Variants in PACS2 observed in about 807,000 individuals in gnomAD.
The protein encoded by PACS2 is PACS1-like protein.
PACS2 carries 36 observed loss-of-function variants against 113.0 expected under a neutral mutation model. The observed-to-expected ratio is 0.32, with a 90% confidence interval of 0.24 to 0.42. The LOEUF is 0.42. Among genes scored for constraint, PACS2 ranks in the 10% least tolerant of loss-of-function variants. PACS2 has a pLI of 1.00. For synonymous variants in PACS2, 589 were observed against 536.1 expected (o/e 1.10, Z -1.36); for missense variants, 1,015 against 1,239.5 (o/e 0.82, Z 2.72).
In PACS2 at chr14:105,396,492, CTTTTCTTTTT is replaced by C. The variant is rs2081532521; in HGVS notation, c.*1825_*1834del. On this transcript the variant is annotated 3_prime_UTR_variant, in exon 25 of 25. Coordinates refer to ENST00000447393, the MANE Select transcript of PACS2 (RefSeq NM_001100913.3). ...CATCTGTTTTTCTGCTCTCCAGTTT[CTTTTCTTTTT>C]TTTTTTTTTTTTTTTTGAGATGGAG... 1 of 139,304 alleles carries C rather than the reference CTTTTCTTTTT, an allele frequency of 7.2e-6. No individual in the cohort carries two copies. Among genetic ancestry groups the C allele is most frequent in the Non-Finnish European group, 1.5e-5 (1 of 64,694 alleles). 8.6% of individuals were successfully genotyped at this position (139,304 alleles called of 1,614,324 possible).
chr14:105,314,345 G>A (rs1244787691), upstream of PACS2: 1 of 152,046 alleles, frequency 6.6e-6, no homozygotes, highest in Admixed American at 6.5e-5. Flanking sequence ...TCCGCGCGTG[G>A]GGAGGTGGGC....
chr14:105,383,663 C>A (rs782779277), intron 16 of PACS2, 150 bp downstream of exon 16: 4 of 631,838 alleles, frequency 6.3e-6, no homozygotes, highest in Non-Finnish European at 8.0e-6. Context: ...GGCGTGGTGT[C>A]CCTGCTTGCT....
chr14:105,304,770 C>T (rs1200679502), intron 1 of PACS2, among the ~76,000 whole-genome samples: 3 of 152,246 alleles, frequency 2.0e-5, no homozygotes, highest in South Asian at 2.1e-4. Context: ...GAGCAAGTCA[C>T]GTCTTACGTG....
chr14:105,353,672 C>T (rs1366939068), intron 3 of PACS2, among the ~76,000 whole-genome samples: 4 of 152,006 alleles, frequency 2.6e-5, no homozygotes, highest in Admixed American at 6.6e-5. Flanking sequence ...TGGCTCACTG[C>T]AACCTCCACC....
chr14:105,380,533 C>G (rs1270261633), intron 11 of PACS2, among the ~76,000 whole-genome samples: 1 of 150,828 alleles, frequency 6.6e-6, no homozygotes, highest in African/African-American at 2.4e-5. Flanking sequence ...CTGGACTCAC[C>G]CCACCCTCAG....
rs1050157688 is a variant in PACS2, at chr14:105,367,955, G to C, written c.587-119G>C. The C allele has an allele frequency of 1.4e-5, 10 of 726,504 alleles. No individual in the cohort carries two copies. The Admixed American group carries it at 2.0e-4, about 15-fold the overall frequency. 45.0% of individuals were successfully genotyped at this position (726,504 alleles called of 1,614,324 possible). ...CCTGTGTCTGGAGCCCCTCTGTCCT[G>C]CATGGATCCACCTCCTCGCTGCCCC... On this transcript the variant is annotated intron_variant, in intron 5 of 24. Transcript: ENST00000447393.
intron 1 of PACS2, among the ~76,000 whole-genome samples, chr14:105,333,671 C>A (rs139270916): frequency 6.6e-6 from 1 of 152,238 alleles, no homozygotes; most frequent in Non-Finnish European, 1.5e-5. Context: ...CAGCCTTTGC[C>A]CCGTGGGCCA....
intron 11 of PACS2, 134 bp downstream of exon 11, chr14:105,380,288 G>A: frequency 1.4e-6 from 1 of 734,392 alleles, no homozygotes; most frequent in Non-Finnish European, 2.2e-6. Context: ...GGTGGGGTCA[G>A]CCCTCAGGGG....
In PACS2 at chr14:105,376,828, C is replaced by T; in HGVS notation, c.862C>T (p.Leu288Phe). 3 of 1,613,254 alleles carry T rather than the reference C, an allele frequency of 1.9e-6. No individual in the cohort carries two copies. Among genetic ancestry groups the T allele is most frequent in the Non-Finnish European group, 2.5e-6 (3 of 1,179,852 alleles). ...HIPEAEEDLD[L>F]LYDTLDMEHP... is the part of the protein sequence containing the mutation. ...CCCCGAGGCAGAGGAGGACCTGGAC[C>T]TCCTGTATGACACCCTGGACATGGA... Residue 288 changes from leucine (L) to phenylalanine (F), a missense_variant, in exon 9 of 25, where the codon CTC becomes TTC. By Grantham distance (22) the Leu-to-Phe change is conservative. This residue lies in a region of PACS2 where 859 missense variants were observed against 1,056.8 expected (regional missense o/e 0.81). Transcript: ENST00000447393. This position sits in a 1 kb window ranked among gnomAD's most constrained non-coding sequence, Gnocchi z 4.7.
intron 24 of PACS2, 115 bp downstream of exon 24, chr14:105,393,450 A>G (rs1417520943): frequency 1.6e-6 from 1 of 630,174 alleles, no homozygotes; most frequent in African/African-American, 1.8e-5. Context: ...CGCACATTCC[A>G]CGATTCAAGG....
chr14:105,368,301 C>G (rs587620647), intron 6 of PACS2, among the ~76,000 whole-genome samples, 154 bp downstream of exon 6: 58 of 152,330 alleles, frequency 3.8e-4, no homozygotes, highest in African/African-American at 1.3e-3. Context: ...TCTCCCGACC[C>G]CAGGGGCCCG....
In PACS2 at chr14:105,358,823, C is replaced by T. The variant is rs927751368; in HGVS notation, c.423+3646C>T. 2.6e-5 allele frequency among the ~76,000 whole-genome samples: 4 copies of T among 152,292 alleles called. No homozygotes were observed. The highest frequency in any genetic ancestry group is 4.1e-4 in the South Asian group (2 of 4,832). On this transcript the variant is annotated intron_variant, in intron 4 of 24. Coordinates refer to ENST00000447393, the MANE Select transcript of PACS2 (RefSeq NM_001100913.3). This position sits in a 1 kb window ranked among gnomAD's most constrained non-coding sequence, Gnocchi z 4.9. ...GGAAGACCTCAGGGTAAGGACAGCGCGGGAGCGTCACCCTGACCGTTTGCA... is the reference window on the plus strand; with the variant it reads ...GGAAGACCTCAGGGTAAGGACAGCGTGGGAGCGTCACCCTGACCGTTTGCA...
At position 105,367,222 on chromosome 14, in the gene PACS2, C is replaced by A; in HGVS notation, c.433C>A (p.His145Asn). 6.2e-7 allele frequency: 1 copy of A among 1,613,002 alleles called. No homozygotes were observed. The highest frequency in any genetic ancestry group is 8.5e-7 in the Non-Finnish European group (1 of 1,179,928). The stretch of plus-strand genomic sequence containing the variant: ...TGCCCCTGGCCTGCAGGTGATGCAA[C>A]ACCCGTCTGAAGGTGGCCAGGTGCT... The part of the protein sequence containing the change: ...GSISMAEVMQ[H>N]PSEGGQVLSL... The change falls in exon 5 of 25, where the codon CAC becomes AAC. Residue 145 changes from histidine to asparagine, a missense_variant. By Grantham distance (68) the His-to-Asn change is moderately conservative (BLOSUM62 1). This residue lies in a region of PACS2 where 859 missense variants were observed against 1,056.8 expected (regional missense o/e 0.81). Coordinates refer to ENST00000447393, the MANE Select transcript of PACS2 (RefSeq NM_001100913.3).
At chr14:105,364,132 GAC>G (rs2060834457) in intron 4 of PACS2, among the ~76,000 whole-genome samples, 1 of 147,646 alleles carries the variant, frequency 6.8e-6, no homozygotes, top group Admixed American at 6.6e-5. Context: ...ACCAAAATGT[GAC>G]ACAGACACCA....
intron 1 of PACS2, among the ~76,000 whole-genome samples, chr14:105,326,438 A>G (rs587717291): frequency 6.4e-4 from 98 of 152,362 alleles, no homozygotes; most frequent in African/African-American, 2.3e-3. Context: ...GCTAGCAGGC[A>G]GTCCCTCGGG....
chr14:105,324,477 G>A lies in PACS2; in HGVS notation c.119+9440G>A, dbSNP rs587706382. ...CTGAGGGCAGCCCTGAGGCCTGTGA[G>A]CTGCTGGCCCCGCAGGGTGGCTGGG... is the stretch of plus-strand genomic sequence containing the variant. On this transcript the variant is annotated intron_variant, in intron 1 of 24. Transcript: ENST00000447393. This position sits in a 1 kb window ranked among gnomAD's most constrained non-coding sequence, Gnocchi z 4.7. Among the ~76,000 whole-genome samples the A allele has an allele frequency of 5.3e-5, 8 of 152,338 alleles. No homozygotes were observed. The South Asian group carries it at 1.7e-3, about 32-fold the overall frequency.
intron 4 of PACS2, among the ~76,000 whole-genome samples, chr14:105,362,052 A>C (rs1433884973): frequency 2.1e-5 from 3 of 144,056 alleles, no homozygotes; most frequent in African/African-American, 7.8e-5. Context: ...GAACCTGGGA[A>C]GTGGAGGTTG....
At position 105,356,179 on chromosome 14, in the gene PACS2, A is replaced by G. The variant is rs1249298843; in HGVS notation, c.423+1002A>G. Among the ~76,000 whole-genome samples, 1 of 151,970 alleles carries G rather than the reference A, an allele frequency of 6.6e-6. No individual in the cohort carries two copies. Among genetic ancestry groups the G allele is most frequent in the East Asian group, 1.9e-4 (1 of 5,160 alleles). On this transcript the variant is annotated intron_variant, in intron 4 of 24. Transcript: ENST00000447393. The surrounding 1 kb of genome is among the most constrained non-coding windows in gnomAD (Gnocchi z 4.0). The stretch of plus-strand genomic sequence containing the variant: ...CTGGTTCCCCCACACCCCCAGGCCC[A>G]GCCTGCAGGCCTCCTGTCTCCCAGG...
intron 1 of PACS2, among the ~76,000 whole-genome samples, chr14:105,339,936 A>C (rs1043361240): frequency 6.6e-6 from 1 of 152,036 alleles, no homozygotes; most frequent in African/African-American, 2.4e-5. Context: ...GAGCCACCAC[A>C]TCCGGCCAAT....
Sources: gnomAD v4.1 joint callset for allele counts (sites outside exome capture counted in the v4.1 genomes callset) on GRCh38, gnomAD v4.1.1 for gene constraint, gnomAD v4.1.1 regional missense constraint, Gnocchi (gnomAD v3.1) non-coding constraint, MANE v1.5 for transcripts, NCBI Gene and HGNC (gene_info 2026-07-23, HGNC 2026-07-21) for gene names.